Variants in ME3 observed in about 807,000 individuals in gnomAD.
ME3 encodes malic enzyme 3, also known as NADP-dependent malic enzyme, mitochondrial.
A neutral mutation model predicts 68.9 loss-of-function variants in ME3; 48 were observed. That is an observed-to-expected ratio of 0.70 (90% confidence interval 0.55 to 0.89). The LOEUF is 0.89. Among genes scored for constraint, ME3 ranks in the 40% least tolerant of loss-of-function variants. The pLI is 0.00. For missense variants in ME3, 675 were observed against 797.4 expected (o/e 0.85, Z 1.85); for synonymous variants, 320 against 318.8 (o/e 1.00, Z -0.04).
At chr11:86,652,850 A>G (rs1945553952) in intron 2 of ME3, among the ~76,000 whole-genome samples, 1 of 152,006 alleles carries the variant, frequency 6.6e-6, no homozygotes, top group African/African-American at 2.4e-5. Context: ...CAGGAAACCC[A>G]TCTCACGTGC....
At chr11:86,554,318 G>A (rs1222975556) in intron 4 of ME3, among the ~76,000 whole-genome samples, 4 of 152,158 alleles carry the variant, frequency 2.6e-5, no homozygotes, top group African/African-American at 9.7e-5. Flanking sequence ...AGGGGAGATG[G>A]TTAATCTTGC....
At chr11:86,438,970 A>C (rs1273291395), downstream of ME3, among the ~76,000 whole-genome samples, 2 of 152,182 alleles carry the variant, frequency 1.3e-5, no homozygotes, top group Non-Finnish European at 2.9e-5. Flanking sequence ...ATGATGGTAT[A>C]GTTCCTGTCT....
the ME3 span, chr11:86,435,617 A>G: frequency 6.6e-6 from 1 of 152,242 alleles, no homozygotes; most frequent in East Asian, 1.9e-4. Context: ...TCTACGTGTT[A>G]TAAGTTGGGT....
intron 4 of ME3, among the ~76,000 whole-genome samples, chr11:86,548,679 C>A (rs995380176): frequency 1.3e-4 from 20 of 152,206 alleles, no homozygotes; most frequent in Non-Finnish European, 1.9e-4. Context: ...GTGCTCTAAT[C>A]TGCAAGAAAA....
chr11:86,574,460 G>C (rs760147506), intron 2 of ME3, among the ~76,000 whole-genome samples: 3 of 145,248 alleles, frequency 2.1e-5, no homozygotes, highest in Non-Finnish European at 3.0e-5. Context: ...CTTTCTGTTT[G>C]TTTATTTTTC....
At chr11:86,465,492 G>A (rs1950433543) in intron 7 of ME3, among the ~76,000 whole-genome samples, 1 of 152,124 alleles carries the variant, frequency 6.6e-6, no homozygotes, top group South Asian at 2.1e-4. Flanking sequence ...GGCTGCCATG[G>A]CCAGCCCTGG....
chr11:86,671,845 A>G lies in ME3; in HGVS notation c.100T>C (p.Cys34Arg), dbSNP rs960766815. Residue 34 changes from cysteine (C) to arginine (R), a missense_variant, in exon 2 of 15, where the codon TGC (cysteine) becomes CGC (arginine). By Grantham distance (180) the Cys-to-Arg change is radical. Coordinates refer to ENST00000543262, the Ensembl canonical transcript of ME3. ...CGCGCCGGGCCAGGCTTGGAGTGGC[A>G]GCCTTGGGCGGGCGCGGTGGGTGTC... The G allele has an allele frequency of 1.3e-6, 2 of 1,587,204 alleles. No homozygotes were observed. Among genetic ancestry groups the G allele is most frequent in the African/African-American group, 1.4e-5 (1 of 71,454 alleles).
chr11:86,559,631 C>G (rs1957100908), intron 3 of ME3, 59 bp downstream of exon 3: 1 of 1,537,088 alleles, frequency 6.5e-7, no homozygotes, highest in Non-Finnish European at 8.8e-7. Context: ...CTGTGAAGCA[C>G]AGGAAACAGA....
rs115034054 is a variant in ME3 at position 86,503,209 on chromosome 11, C to T, written c.544-5085G>A. ...ATAGTCCCTACCTCTTACAGGGTTG[C>T]CATGAAAATCCAATGAGTTAATCTA... On this transcript the variant is annotated intron_variant, in intron 5 of 14. Coordinates refer to ENST00000543262, the Ensembl canonical transcript of ME3. Among the ~76,000 whole-genome samples, 930 of 152,308 alleles carry T rather than the reference C, an allele frequency of 6.1e-3. 8 individuals carry two copies. The highest frequency in any genetic ancestry group is 0.021 in the African/African-American group (891 of 41,564).
intron 2 of ME3, among the ~76,000 whole-genome samples, chr11:86,567,855 T>C (rs369849569): frequency 6.6e-6 from 1 of 152,176 alleles, no homozygotes; most frequent in Non-Finnish European, 1.5e-5. Flanking sequence ...AAGGGGGAAG[T>C]GTGAGAACTT....
intron 2 of ME3, among the ~76,000 whole-genome samples, chr11:86,642,993 AG>A (rs1424065567): frequency 7.1e-6 from 1 of 140,938 alleles, no homozygotes; most frequent in Non-Finnish European, 1.5e-5. Context: ...GGTTTCTATT[AG>A]TTTTTTTTGA....
chr11:86,572,201 C>G (rs1369058118), intron 2 of ME3, among the ~76,000 whole-genome samples: 1 of 152,116 alleles, frequency 6.6e-6, no homozygotes, highest in Non-Finnish European at 1.5e-5. Context: ...TCCAGTAAAG[C>G]TATGAAATAG....
At chr11:86,583,014 A>G (rs1958530238) in intron 2 of ME3, among the ~76,000 whole-genome samples, 1 of 152,118 alleles carries the variant, frequency 6.6e-6, no homozygotes, top group South Asian at 2.1e-4. Flanking sequence ...GGCTTTTTAT[A>G]GGGAACAAAT....
At chr11:86,654,618 T>C (rs1156664592) in intron 2 of ME3, among the ~76,000 whole-genome samples, 1 of 152,198 alleles carries the variant, frequency 6.6e-6, no homozygotes, top group Non-Finnish European at 1.5e-5. Context: ...GAGCTGTCTA[T>C]GACAAACCCA....
At chr11:86,658,196 G>A (rs913128338) in intron 2 of ME3, among the ~76,000 whole-genome samples, 3 of 151,600 alleles carry the variant, frequency 2.0e-5, no homozygotes, top group South Asian at 4.2e-4. Context: ...CGATCTTGGC[G>A]TACTGCAACC....
intron 3 of ME3, among the ~76,000 whole-genome samples, chr11:86,559,002 CAT>C (rs1565950827): frequency 6.6e-6 from 1 of 152,188 alleles, no homozygotes; most frequent in Non-Finnish European, 1.5e-5. Flanking sequence ...AAATGAAAAG[CAT>C]AGACTCTGGA....
At chr11:86,512,011 C>T (rs904735894) in intron 4 of ME3, among the ~76,000 whole-genome samples, 2 of 152,074 alleles carry the variant, frequency 1.3e-5, no homozygotes, top group Non-Finnish European at 2.9e-5. Flanking sequence ...AGCCTCCTGC[C>T]CACCAAATTA....
At chr11:86,553,182 A>C (rs974481811) in intron 4 of ME3, among the ~76,000 whole-genome samples, 1 of 152,316 alleles carries the variant, frequency 6.6e-6, no homozygotes, top group African/African-American at 2.4e-5. Context: ...TGTGGTGCCT[A>C]TCTGCCCAGA....
At chr11:86,527,214 G>A (rs564542778) in intron 4 of ME3, among the ~76,000 whole-genome samples, 44 of 152,308 alleles carry the variant, frequency 2.9e-4, no homozygotes, top group African/African-American at 8.9e-4. Flanking sequence ...ACTACGTGAC[G>A]AATGCACAAG....
Sources: gnomAD v4.1 joint callset for allele counts (sites outside exome capture counted in the v4.1 genomes callset) on GRCh38, gnomAD v4.1.1 for gene constraint, MANE v1.5 for transcripts, NCBI Gene and HGNC (gene_info 2026-07-23, HGNC 2026-07-21) for gene names.